Variants in EPB41L5 observed in about 807,000 individuals in gnomAD.
The protein encoded by EPB41L5 is erythrocyte membrane protein band 4.1 like 5.
In EPB41L5, 55 loss-of-function variants were observed where a neutral mutation model predicts 106.6. The observed-to-expected ratio is 0.52, with a 90% CI of 0.42 to 0.65. EPB41L5 has a LOEUF of 0.65. Among genes scored for constraint, EPB41L5 ranks in the 30% least tolerant of loss-of-function variants. EPB41L5 has a pLI of 0.00. For synonymous variants in EPB41L5, 297 were observed against 306.7 expected, an observed-to-expected ratio of 0.97 and a Z score of 0.33; for missense variants, 871 against 882.1, an observed-to-expected ratio of 0.99 and a Z score of 0.16.
At chr2:120,104,749 A>C in intron 16 of EPB41L5, 1 of 906,646 alleles carries the variant, frequency 1.1e-6, no homozygotes, top group Non-Finnish European at 1.3e-6. Context: ...TTAAGTGCCT[A>C]AGATTTTAAT....
chr2:120,044,825 A>G (rs1377140377), intron 3 of EPB41L5, among the ~76,000 whole-genome samples: 1 of 152,196 alleles, frequency 6.6e-6, no homozygotes, highest in Non-Finnish European at 1.5e-5. Context: ...TAGGCATTAA[A>G]ATTCAACTTA....
intron 2 of EPB41L5, among the ~76,000 whole-genome samples, chr2:120,026,353 G>GT (rs1175137733): frequency 7.1e-6 from 1 of 140,822 alleles, no homozygotes; most frequent in Non-Finnish European, 1.5e-5. Context: ...ACCACTTTCT[G>GT]TTTTTTTGTT....
At chr2:120,081,976 C>T (rs1386506818) in intron 10 of EPB41L5, among the ~76,000 whole-genome samples, 1 of 152,192 alleles carries the variant, frequency 6.6e-6, no homozygotes, top group Non-Finnish European at 1.5e-5. Context: ...TGAGACTTTG[C>T]TGAAGTTCCT....
At chr2:120,106,260 G>A in intron 16 of EPB41L5, 1 of 985,322 alleles carries the variant, frequency 1.0e-6, no homozygotes, top group Non-Finnish European at 1.2e-6. Flanking sequence ...ATAGGGGTGA[G>A]GAAAGTAAAG....
chr2:120,147,502 G>A lies in EPB41L5; in HGVS notation c.1793+1213G>A, dbSNP rs1263446887. Among the ~76,000 whole-genome samples, 4 of 151,988 alleles carry A rather than the reference G, an allele frequency of 2.6e-5. No homozygotes were observed. In the East Asian group the frequency reaches 5.8e-4, roughly 22 times the overall value. On this transcript the variant is annotated intron_variant, in intron 20 of 24. Transcript: ENST00000263713. ...TAGCTGGGCATGGTGGCGCACGCCT[G>A]TAATCCCAGCTACTGGGGAGGCCAA...
intron 16 of EPB41L5, chr2:120,105,035 C>CT: frequency 1.0e-6 from 1 of 984,480 alleles, no homozygotes; most frequent in Non-Finnish European, 1.2e-6. Context: ...TCTCATACAC[C>CT]TGACAGATTA....
intron 16 of EPB41L5, among the ~76,000 whole-genome samples, chr2:120,112,280 A>G (rs1398475206): frequency 1.3e-5 from 2 of 152,160 alleles, no homozygotes; most frequent in African/African-American, 4.8e-5. Context: ...ACATAACCCT[A>G]TTGGGTAAGT....
Position 120,082,391 on chromosome 2 carries a change from T to G in EPB41L5, c.803+3810T>G, listed in dbSNP as rs186406941. On this transcript the variant is annotated intron_variant, in intron 10 of 24. Coordinates refer to ENST00000263713, the MANE Select transcript of EPB41L5 (RefSeq NM_020909.4). ...TCGTGGTTTTTGTCATTAGTTCTGT[T>G]TATATGCTGGATTACATTTATTGAT... is the stretch of plus-strand genomic sequence containing the variant. 1.3e-3 allele frequency among the ~76,000 whole-genome samples: 199 copies of G among 152,304 alleles called. 1 individual carries two copies. Among genetic ancestry groups the G allele is most frequent in the African/African-American group, 4.4e-3 (185 of 41,578 alleles).
chr2:120,072,691 AAC>A (rs1681954881), intron 3 of EPB41L5, among the ~76,000 whole-genome samples: 1 of 152,194 alleles, frequency 6.6e-6, no homozygotes, highest in Non-Finnish European at 1.5e-5. Context: ...CAGAAAACCA[AAC>A]ACTGCATGTT....
chr2:120,131,938 T>TA (rs375506864), intron 18 of EPB41L5, among the ~76,000 whole-genome samples: 6,952 of 147,590 alleles, frequency 0.047, 223 homozygotes, highest in Non-Finnish European at 0.073. Context: ...TTTCATGATT[T>TA]AAAAAAAAAA....
intron 24 of EPB41L5, among the ~76,000 whole-genome samples, chr2:120,174,624 G>A (rs111894109): frequency 4.1e-4 from 62 of 152,268 alleles, no homozygotes; most frequent in African/African-American, 1.4e-3. Flanking sequence ...AAATTGTGCT[G>A]TCTTTATATT....
rs746309765 is a variant in EPB41L5, at chr2:120,073,236, ATTAT to A, written c.328+19_328+22del. The A allele has an allele frequency of 2.4e-5, 38 of 1,593,536 alleles. 1 individual carries two copies. Among genetic ancestry groups the A allele is most frequent in the Non-Finnish European group, 3.1e-5 (36 of 1,166,392 alleles). On this transcript the variant is annotated intron_variant, in intron 4 of 24. Coordinates refer to ENST00000263713, the MANE Select transcript of EPB41L5 (RefSeq NM_020909.4). ...CAAGTAAAAAGTAAGTGCAGACAAA[ATTAT>A]TTGTGGGGGGGAAAGGAAATAGAAT...
intron 3 of EPB41L5, among the ~76,000 whole-genome samples, chr2:120,064,594 C>T (rs993304346): frequency 3.3e-5 from 5 of 152,110 alleles, no homozygotes; most frequent in African/African-American, 1.2e-4. Context: ...TCTTCCATGC[C>T]TAGTTCGATA....
chr2:120,076,304 T>G (rs1450209138), intron 7 of EPB41L5, among the ~76,000 whole-genome samples: 1 of 151,816 alleles, frequency 6.6e-6, no homozygotes. Context: ...TATATCAGTA[T>G]ATTCTTTTGT....
At chr2:120,039,880 A>T (rs1208247964) in intron 2 of EPB41L5, among the ~76,000 whole-genome samples, 5 of 151,696 alleles carry the variant, frequency 3.3e-5, no homozygotes, top group African/African-American at 1.2e-4. Flanking sequence ...AGCTAGAAGA[A>T]GTTGTTTAAG....
chr2:120,085,521 T>G (rs1196105485), intron 10 of EPB41L5, among the ~76,000 whole-genome samples: 2 of 152,216 alleles, frequency 1.3e-5, no homozygotes, highest in African/African-American at 2.4e-5. Flanking sequence ...GTGCCACTAC[T>G]GGAGGGTGCC....
chr2:120,028,964 T>G (rs997161230), intron 2 of EPB41L5, among the ~76,000 whole-genome samples: 1 of 152,156 alleles, frequency 6.6e-6, no homozygotes. Flanking sequence ...TTTTTGGACC[T>G]CTTACAGTCC....
chr2:120,124,146 A>C (rs759269699), intron 16 of EPB41L5, among the ~76,000 whole-genome samples: 8 of 152,240 alleles, frequency 5.3e-5, no homozygotes, highest in Non-Finnish European at 7.3e-5. Flanking sequence ...AGGCCATCAT[A>C]GAACCAGTCA....
At chr2:120,014,930 G>A (rs1394556075) in intron 1 of EPB41L5, among the ~76,000 whole-genome samples, 1 of 151,030 alleles carries the variant, frequency 6.6e-6, no homozygotes, top group Non-Finnish European at 1.5e-5. Context: ...GTGCAGGTGG[G>A]AGGGGAAAAG....
Sources: allele counts gnomAD v4.1 joint callset (sites outside exome capture counted in the v4.1 genomes callset), GRCh38; gene constraint gnomAD v4.1.1; transcripts MANE v1.5; gene names NCBI Gene and HGNC (gene_info 2026-07-23, HGNC 2026-07-21).